Variants in CAPN7 observed in about 807,000 individuals in gnomAD.
CAPN7 encodes the protein calpain 7.
A neutral mutation model predicts 115.2 loss-of-function variants in CAPN7; 72 were observed. That is an observed-to-expected ratio of 0.63 (90% confidence interval 0.52 to 0.76). The LOEUF is 0.76. Among genes scored for constraint, CAPN7 ranks in the 30% least tolerant of loss-of-function variants. The pLI, the probability that CAPN7 is intolerant of heterozygous loss-of-function variation, is 0.00. For synonymous variants in CAPN7, 344 were observed against 322.3 expected (o/e 1.07, Z -0.72); for missense variants, 905 against 971.5 (o/e 0.93, Z 0.91).
chr3:15,237,310 G>C (rs889499270), intron 12 of CAPN7, among the ~76,000 whole-genome samples: 1 of 152,060 alleles, frequency 6.6e-6, no homozygotes, highest in Non-Finnish European at 1.5e-5. Context: ...AGGCCCACAT[G>C]GGGGCAGGAT....
intron 12 of CAPN7, among the ~76,000 whole-genome samples, chr3:15,235,417 G>A (rs757706584): frequency 3.3e-5 from 5 of 152,140 alleles, no homozygotes; most frequent in African/African-American, 7.2e-5. Context: ...GTTTTGAGGC[G>A]GAATACATAG....
intron 16 of CAPN7, among the ~76,000 whole-genome samples, chr3:15,243,402 T>C (rs925157168): frequency 5.9e-5 from 9 of 152,066 alleles, no homozygotes; most frequent in Non-Finnish European, 1.2e-4. Context: ...TGAATAGAGT[T>C]CTGGGGTAAG....
intron 19 of CAPN7, among the ~76,000 whole-genome samples, chr3:15,248,236 C>T (rs763596939): frequency 2.6e-5 from 4 of 151,770 alleles, no homozygotes; most frequent in Non-Finnish European, 4.4e-5. Flanking sequence ...GGGGGCAATC[C>T]AGATGGCCAG....
intron 12 of CAPN7, among the ~76,000 whole-genome samples, chr3:15,240,081 C>T (rs1217403293): frequency 6.6e-6 from 1 of 152,204 alleles, no homozygotes; most frequent in African/African-American, 2.4e-5. Flanking sequence ...ACTTCATGCT[C>T]TAAGGCAGTA....
Position 15,242,373 on chromosome 3 carries a change from CTAATA to C in CAPN7, c.1864+121_1864+125del. ...ATAGAGAAATAATTATGTTGATAGA[CTAATA>C]GAAACCACTCAAGCAGATGGGTATT... On this transcript the variant is annotated intron_variant, in intron 16 of 20. Transcript: ENST00000253693. 4.8e-6 allele frequency: 3 copies of C among 621,110 alleles called. No homozygotes were observed. The South Asian group carries it at 7.0e-5, about 15-fold the overall frequency. The allele number at this position is 621,110 out of a possible 1,614,324, so 38.5% of individuals were successfully genotyped here. A position where few individuals can be genotyped will look rare whatever the true frequency, so the allele number is the denominator to read the frequency against.
chr3:15,234,715 T>C (rs995801794), intron 11 of CAPN7, among the ~76,000 whole-genome samples: 2 of 152,216 alleles, frequency 1.3e-5, no homozygotes, highest in Non-Finnish European at 2.9e-5. Flanking sequence ...TAAAATGATA[T>C]GCCTGTTTGG....
intron 2 of CAPN7, among the ~76,000 whole-genome samples, chr3:15,216,817 G>A (rs1693629414): frequency 6.6e-6 from 1 of 152,180 alleles, no homozygotes; most frequent in Non-Finnish European, 1.5e-5. Flanking sequence ...AAGTGCCAGT[G>A]GGAGAGAGAA....
chr3:15,218,070 GGTAAA>G (rs1379867931), intron 3 of CAPN7, among the ~76,000 whole-genome samples: 1 of 152,180 alleles, frequency 6.6e-6, no homozygotes, highest in Non-Finnish European at 1.5e-5. Flanking sequence ...AGGAGGATGA[GGTAAA>G]GTAGTTGAGA....
At chr3:15,246,612 G>T in intron 17 of CAPN7, 120 bp from the exon 18 acceptor site, 1 of 704,460 alleles carries the variant, frequency 1.4e-6, no homozygotes, top group Non-Finnish European at 2.5e-6. Flanking sequence ...CCTGATACTA[G>T]GCTGCCTATA....
intron 10 of CAPN7, among the ~76,000 whole-genome samples, chr3:15,233,038 T>A (rs923579548): frequency 6.6e-6 from 1 of 152,210 alleles, no homozygotes; most frequent in African/African-American, 2.4e-5. Flanking sequence ...TTGAGGTGTC[T>A]TCCAGTGACC....
rs148466100 is a variant in CAPN7, at chr3:15,236,215, C to T, written c.1407+1070C>T. On this transcript the variant is annotated intron_variant, in intron 12 of 20. Transcript: ENST00000253693. ...GGAAGAAAATAGGAAGATAGCTGGG[C>T]ATAAGATACATGCCAGTGTGTTTTG... Among the ~76,000 whole-genome samples, 3 of 152,200 alleles carry T rather than the reference C, an allele frequency of 2.0e-5. No homozygotes were observed. The East Asian group carries it at 5.8e-4, about 29-fold the overall frequency.
intron 12 of CAPN7, among the ~76,000 whole-genome samples, chr3:15,240,216 G>A (rs1695258438): frequency 1.3e-5 from 2 of 152,216 alleles, no homozygotes; most frequent in South Asian, 4.1e-4. Flanking sequence ...TGTGACTAAG[G>A]AACTGATTTT....
chr3:15,228,714 G>A (rs577510851), intron 7 of CAPN7, among the ~76,000 whole-genome samples: 4 of 152,196 alleles, frequency 2.6e-5, no homozygotes, highest in Non-Finnish European at 5.9e-5. Context: ...GAGCGTGGAG[G>A]ATAGGAGGAG....
At chr3:15,228,715 A>T (rs111433578) in intron 7 of CAPN7, among the ~76,000 whole-genome samples, 1 of 152,282 alleles carries the variant, frequency 6.6e-6, no homozygotes, top group African/African-American at 2.4e-5. Flanking sequence ...AGCGTGGAGG[A>T]TAGGAGGAGG....
At position 15,245,065 on chromosome 3, in the gene CAPN7, T is replaced by G. The variant is rs1278858622; in HGVS notation, c.1865-461T>G. 2.6e-5 allele frequency among the ~76,000 whole-genome samples: 4 copies of G among 151,044 alleles called. No homozygotes were observed. In the East Asian group the frequency reaches 7.7e-4, roughly 29 times the overall value. On this transcript the variant is annotated intron_variant, in intron 16 of 20. Transcript: ENST00000253693. ...CATCAATAGAAGGGAATAAGATAAG[T>G]GTAGTGGTTAAAAGAGACATTGTTT...
chr3:15,218,453 G>A lies in CAPN7; in HGVS notation c.370-20G>A. 6.4e-7 allele frequency: 1 copy of A among 1,572,032 alleles called. No homozygotes were observed. Among genetic ancestry groups the A allele is most frequent in the Non-Finnish European group, 8.7e-7 (1 of 1,148,450 alleles). ...AAAATAATTATGCTTTAAAATGTCT[G>A]TCTCTTTCTTTCTCTTAAGTCTTAT... On this transcript the variant is annotated intron_variant, in intron 3 of 20. Transcript: ENST00000253693.
intron 4 of CAPN7, 30 bp from the exon 5 acceptor site, chr3:15,220,751 A>C: frequency 1.9e-6 from 3 of 1,602,886 alleles, no homozygotes; most frequent in Non-Finnish European, 2.6e-6. Context: ...TAGAAAAACT[A>C]GAACAGTTGT....
intron 9 of CAPN7, chr3:15,232,246 C>A: frequency 2.9e-6 from 1 of 349,054 alleles, no homozygotes; most frequent in Non-Finnish European, 5.3e-6. Flanking sequence ...ATTTCAGATG[C>A]TCAGCCTTTT....
chr3:15,210,694 C>T, intron 1 of CAPN7: 1 of 822,576 alleles, frequency 1.2e-6, no homozygotes, highest in Non-Finnish European at 1.7e-6. Context: ...TCCCAGGGCT[C>T]AGGTGATCCT....
Sources: gnomAD v4.1 joint callset for allele counts (sites outside exome capture counted in the v4.1 genomes callset) on GRCh38, gnomAD v4.1.1 for gene constraint, MANE v1.5 for transcripts, NCBI Gene and HGNC (gene_info 2026-07-23, HGNC 2026-07-21) for gene names.